The following VAV2 variants were observed in gnomAD, a reference collection of about 807,000 sequenced individuals.
The protein encoded by VAV2 is vav guanine nucleotide exchange factor 2, also known as guanine nucleotide exchange factor VAV2.
Under a neutral mutation model 132.5 loss-of-function variants are expected in VAV2, and 67 were observed. The observed-to-expected ratio is 0.51, with a 90% CI of 0.42 to 0.62. The LOEUF (loss-of-function observed/expected upper bound fraction) is 0.62. VAV2 is among the 20% of genes least tolerant of loss of function. The pLI is 0.00. For missense variants in VAV2, 938 were observed against 1,153.6 expected (o/e 0.81, Z 2.71); for synonymous variants, 492 against 443.5 (o/e 1.11, Z -1.37).
intron 1 of VAV2, among the ~76,000 whole-genome samples, chr9:133,941,608 TG>T (rs56802789): frequency 0.094 from 12,487 of 132,214 alleles, 817 homozygotes; most frequent in Non-Finnish European, 0.13. Flanking sequence ...CACTTTTTTT[TG>T]GGGGGGGGGG....
At chr9:133,930,392 G>A (rs1216190217) in intron 2 of VAV2, among the ~76,000 whole-genome samples, 3 of 151,084 alleles carry the variant, frequency 2.0e-5, no homozygotes, top group Admixed American at 2.0e-4. Flanking sequence ...CTGCCTCCTG[G>A]CCTCCACACT....
In VAV2 at chr9:133,969,199, C is replaced by A. The variant is rs571676796; in HGVS notation, c.204+22876G>T. Among the ~76,000 whole-genome samples the A allele has an allele frequency of 2.7e-3, 415 of 152,048 alleles. 4 individuals are homozygous for A. The highest frequency in any genetic ancestry group is 9.6e-3 in the African/African-American group (397 of 41,458). On this transcript the variant is annotated intron_variant, in intron 1 of 29. Transcript: ENST00000371850. This position sits in a 1 kb window ranked among gnomAD's most constrained non-coding sequence, Gnocchi z 5.1. ...CGAGAGCTGGATTCCACCGTGCCCG[C>A]CGGGCCTGCGAGGACGAGCCTCTGC...
At chr9:133,865,676 T>C (rs1296778061) in intron 2 of VAV2, among the ~76,000 whole-genome samples, 1 of 152,270 alleles carries the variant, frequency 6.6e-6, no homozygotes, top group Admixed American at 6.5e-5. Context: ...TCTCATCGAC[T>C]GCATCTGCTA....
At chr9:133,848,241 T>C (rs58816065) in intron 3 of VAV2, among the ~76,000 whole-genome samples, 29,714 of 141,312 alleles carry the variant, frequency 0.21, 3,591 homozygotes, top group African/African-American at 0.35. Context: ...GATCGCGCCA[T>C]TGCACTCCAG....
intron 1 of VAV2, among the ~76,000 whole-genome samples, chr9:133,954,250 C>CTCTGTCCATCTGCCCA (rs1403855455): frequency 6.6e-6 from 1 of 152,200 alleles, no homozygotes; most frequent in Admixed American, 6.5e-5. Context: ...CCTGGTGTCC[C>CTCTGTCCATCTGCCCA]TCTGTCCATC....
intron 24 of VAV2, 70 bp from the exon 25 acceptor site, chr9:133,775,121 G>A (rs1588157749): frequency 3.5e-5 from 47 of 1,330,344 alleles, no homozygotes; most frequent in Middle Eastern, 2.1e-4. Context: ...CCAGCCCTCC[G>A]TGCGTGGCAG....
chr9:133,974,732 T>C (rs571955828), intron 1 of VAV2, among the ~76,000 whole-genome samples: 12 of 152,248 alleles, frequency 7.9e-5, no homozygotes, highest in African/African-American at 2.9e-4. Context: ...CCCTGCGCCC[T>C]GCACCCAGCA....
In VAV2 at chr9:133,910,192, G is replaced by T. The variant is rs555038078; in HGVS notation, c.321+28911C>A. On this transcript the variant is annotated intron_variant, in intron 2 of 29. Coordinates refer to ENST00000371850, the MANE Select transcript of VAV2 (RefSeq NM_001134398.2). ...CATTGTGAACCATGACCATGAGGAT[G>T]GAAGAGGTAGAACAAGAAGCTGGGT... is the stretch of plus-strand genomic sequence containing the variant. 2.0e-5 allele frequency among the ~76,000 whole-genome samples: 3 copies of T among 152,314 alleles called. No homozygotes were observed. In the South Asian group the frequency reaches 6.2e-4, roughly 32 times the overall value.
Position 133,951,684 on chromosome 9 carries a change from G to GGA in VAV2, c.205-12466_205-12465insTC, listed in dbSNP as rs1396420953. On this transcript the variant is annotated intron_variant, in intron 1 of 29. Coordinates refer to ENST00000371850, the MANE Select transcript of VAV2 (RefSeq NM_001134398.2). Reference sequence around the variant, plus strand: ...GTCATACCCACAGCAGCTGACACCAGACCACGGGTGGGTCACTCACCTTGT... The same window carrying GGA: ...GTCATACCCACAGCAGCTGACACCAGGAACCACGGGTGGGTCACTCACCTTGT... Among the ~76,000 whole-genome samples, 3 of 152,196 alleles carry GGA rather than the reference G, an allele frequency of 2.0e-5. No homozygotes were observed. In the East Asian group the frequency reaches 5.8e-4, roughly 29 times the overall value.
chr9:133,797,311 C>A (rs368950514), intron 10 of VAV2, among the ~76,000 whole-genome samples: 1 of 152,064 alleles, frequency 6.6e-6, no homozygotes, highest in East Asian at 1.9e-4. Context: ...TCAGTCAGAG[C>A]CCCCAGTTGA....
At chr9:133,974,611 T>G (rs679547) in intron 1 of VAV2, among the ~76,000 whole-genome samples, 21,298 of 152,142 alleles carry the variant, frequency 0.14, 1,552 homozygotes, top group Middle Eastern at 0.17. Flanking sequence ...TGGAGCAAGT[T>G]GCCCAAAGGC....
chr9:133,899,974 T>C (rs552485385), intron 2 of VAV2, among the ~76,000 whole-genome samples: 15 of 150,126 alleles, frequency 1.0e-4, no homozygotes, highest in South Asian at 2.1e-4. Flanking sequence ...TGAGCCGAGA[T>C]TGCACCACTG....
At chr9:133,916,885 G>T (rs1840110676) in intron 2 of VAV2, among the ~76,000 whole-genome samples, 1 of 152,140 alleles carries the variant, frequency 6.6e-6, no homozygotes, top group Non-Finnish European at 1.5e-5. Flanking sequence ...TTGTCTGTGT[G>T]ACCCATGGCC....
rs141868189 is a variant in VAV2 at position 133,869,938 on chromosome 9, A to G, written c.322-8506T>C. Among the ~76,000 whole-genome samples, 15 of 152,298 alleles carry G rather than the reference A, an allele frequency of 9.8e-5. 1 individual carries two copies. In the East Asian group the frequency reaches 2.9e-3, roughly 29 times the overall value. Reference sequence around the variant, plus strand: ...TCTGCCTTGGAAATCTACAGCTACTATTGCTGCATATTCAGAAGCAAATCA... The same window carrying G: ...TCTGCCTTGGAAATCTACAGCTACTGTTGCTGCATATTCAGAAGCAAATCA... On this transcript the variant is annotated intron_variant, in intron 2 of 29. Transcript: ENST00000371850.
chr9:133,913,199 G>T (rs1839942363), intron 2 of VAV2, among the ~76,000 whole-genome samples: 1 of 152,202 alleles, frequency 6.6e-6, no homozygotes, highest in Non-Finnish European at 1.5e-5. Context: ...TGGTGACTCT[G>T]GGCTGGAACA....
chr9:133,862,829 C>T (rs1396572861), intron 2 of VAV2, among the ~76,000 whole-genome samples: 1 of 152,224 alleles, frequency 6.6e-6, no homozygotes, highest in Admixed American at 6.5e-5. Context: ...GGCTTCCCTT[C>T]AGCCTGTTCC....
intron 2 of VAV2, among the ~76,000 whole-genome samples, chr9:133,936,139 C>G (rs547988235): frequency 1.3e-5 from 2 of 152,078 alleles, no homozygotes; most frequent in African/African-American, 4.8e-5. Flanking sequence ...TGGGCGAGGC[C>G]GCACCCTGGG....
intron 2 of VAV2, among the ~76,000 whole-genome samples, chr9:133,901,467 C>T (rs538565276): frequency 9.2e-5 from 14 of 152,256 alleles, no homozygotes; most frequent in Non-Finnish European, 2.1e-4. Flanking sequence ...TGGCTCTGAC[C>T]AGGGGAGCCT....
At chr9:133,887,442 C>T (rs739448) in intron 2 of VAV2, among the ~76,000 whole-genome samples, 33,326 of 152,008 alleles carry the variant, frequency 0.22, 4,402 homozygotes, top group African/African-American at 0.38. Flanking sequence ...CCTGCCCTAA[C>T]TCTAAAAACA....
Sources: allele counts gnomAD v4.1 joint callset (sites outside exome capture counted in the v4.1 genomes callset), GRCh38; gene constraint gnomAD v4.1.1; non-coding constraint Gnocchi (gnomAD v3.1); transcripts MANE v1.5; gene names NCBI Gene and HGNC (gene_info 2026-07-23, HGNC 2026-07-21).